DENND2A: variants seen among roughly 807,000 people sequenced by gnomAD.
The protein encoded by DENND2A is DENN domain containing 2A.
Under a neutral mutation model 105.3 loss-of-function variants are expected in DENND2A, and 53 were observed. The observed-to-expected ratio is 0.50, with a 90% CI of 0.40 to 0.63. The LOEUF (loss-of-function observed/expected upper bound fraction) is 0.63, where lower values mean the gene tolerates loss of function less well. Among genes scored for constraint, DENND2A ranks in the 30% least tolerant of loss-of-function variants. The probability of loss-of-function intolerance (pLI) is 0.00; values close to 1 mark genes in which losing one functional copy is unlikely to be tolerated. For synonymous variants in DENND2A, 522 were observed against 508.4 expected, an observed-to-expected ratio of 1.03 and a Z score of -0.36; for missense variants, 1,138 against 1,279.6, an observed-to-expected ratio of 0.89 and a Z score of 1.69.
chr7:140,527,994 C>A lies in DENND2A; in HGVS notation c.2328-499G>T, dbSNP rs751939133. 6.6e-6 allele frequency among the ~76,000 whole-genome samples: 1 copy of A among 151,986 alleles called. No individual in the cohort carries two copies. The highest frequency in any genetic ancestry group is 1.5e-5 in the Non-Finnish European group (1 of 68,018). ...TAGCTGGGACTGCAGGCACGCGCCACCACACCTGGCTAATTTTTGCATTTT... is the reference window on the plus strand; with the variant it reads ...TAGCTGGGACTGCAGGCACGCGCCAACACACCTGGCTAATTTTTGCATTTT... On this transcript the variant is annotated intron_variant, in intron 14 of 19. Coordinates refer to ENST00000496613, the MANE Select transcript of DENND2A (RefSeq NM_015689.5). This position sits in a 1 kb window ranked among gnomAD's most constrained non-coding sequence, Gnocchi z 4.9.
intron 12 of DENND2A, among the ~76,000 whole-genome samples, chr7:140,552,128 T>C (rs1025689493): frequency 3.3e-5 from 5 of 152,202 alleles, no homozygotes; most frequent in African/African-American, 1.2e-4. Flanking sequence ...CCTATAACCT[T>C]ACTTCACATG....
chr7:140,575,689 C>T (rs1236574004), intron 5 of DENND2A, among the ~76,000 whole-genome samples: 3 of 152,018 alleles, frequency 2.0e-5, no homozygotes, highest in Non-Finnish European at 4.4e-5. Flanking sequence ...ATGTACTTGC[C>T]GGGCACGGTG....
intron 18 of DENND2A, among the ~76,000 whole-genome samples, chr7:140,521,041 A>G (rs1181483702): frequency 3.4e-5 from 5 of 148,810 alleles, no homozygotes; most frequent in Non-Finnish European, 5.9e-5. Flanking sequence ...CGCCTGGCTA[A>G]TTTTCTTTAT....
chr7:140,600,191 G>A (rs150736293), intron 3 of DENND2A, among the ~76,000 whole-genome samples: 67 of 151,958 alleles, frequency 4.4e-4, no homozygotes, highest in African/African-American at 1.5e-3. Flanking sequence ...ACTTGGGTTT[G>A]GACACGTTAA....
chr7:140,615,534 T>TC (rs1800051101), intron 1 of DENND2A, among the ~76,000 whole-genome samples: 1 of 120,220 alleles, frequency 8.3e-6, no homozygotes, highest in African/African-American at 3.3e-5. Context: ...GAGTTCTGCT[T>TC]TTTTTTTTTT....
intron 3 of DENND2A, among the ~76,000 whole-genome samples, chr7:140,593,653 G>A (rs1799155836): frequency 1.3e-5 from 2 of 152,224 alleles, no homozygotes; most frequent in South Asian, 2.1e-4. Context: ...CAAAGGTTTA[G>A]GTCTGAAACC....
At chr7:140,612,683 G>T (rs1799943604) in intron 1 of DENND2A, among the ~76,000 whole-genome samples, 1 of 151,954 alleles carries the variant, frequency 6.6e-6, no homozygotes, top group South Asian at 2.1e-4. Flanking sequence ...TGTATTTTTG[G>T]TAGAGATAGG....
chr7:140,519,709 T>A lies in DENND2A; in HGVS notation c.2921A>T (p.Glu974Val). The A allele has an allele frequency of 6.2e-7, 1 of 1,614,130 alleles. No individual in the cohort carries two copies. Among genetic ancestry groups the A allele is most frequent in the Non-Finnish European group, 8.5e-7 (1 of 1,179,992 alleles). The change falls in exon 19 of 20, where the codon GAG becomes GTG. Residue 974 changes from glutamate to valine, a missense_variant. Glu to Val is a moderately radical substitution (Grantham distance 121). Transcript: ENST00000496613. ...TTCCAGATACTCTTGGGCTCGGACC[T>A]CAAACAGACCTGTTAACAAGAGAAA... ...LRRQDAKGLFEVRAQEYLETL... is the reference protein window; with the variant it reads ...LRRQDAKGLFVVRAQEYLETL...
intron 14 of DENND2A, among the ~76,000 whole-genome samples, chr7:140,529,424 A>G (rs1359333226): frequency 6.6e-6 from 1 of 152,146 alleles, no homozygotes; most frequent in East Asian, 1.9e-4. Context: ...ATACCATTTG[A>G]CCCAGCCATC....
At chr7:140,537,941 T>C (rs1796505437) in intron 14 of DENND2A, among the ~76,000 whole-genome samples, 1 of 152,108 alleles carries the variant, frequency 6.6e-6, no homozygotes. Context: ...ATCAGGAAAA[T>C]GAAGGCGAGG....
intron 3 of DENND2A, among the ~76,000 whole-genome samples, chr7:140,600,852 C>T (rs1421587604): frequency 2.0e-5 from 3 of 152,174 alleles, no homozygotes; most frequent in African/African-American, 7.2e-5. Context: ...TTTCGAAGCA[C>T]AGATTTTATT....
intron 1 of DENND2A, among the ~76,000 whole-genome samples, chr7:140,618,186 TA>T (rs1369491892): frequency 6.6e-6 from 1 of 152,206 alleles, no homozygotes; most frequent in African/African-American, 2.4e-5. Flanking sequence ...CATAAATCAT[TA>T]AAGCATGAGT....
At chr7:140,560,882 C>T (rs911300543) in intron 9 of DENND2A, among the ~76,000 whole-genome samples, 1 of 151,326 alleles carries the variant, frequency 6.6e-6, no homozygotes, top group Non-Finnish European at 1.5e-5. Flanking sequence ...TGCAGTGAGC[C>T]GAGAGCATAC....
chr7:140,602,557 C>A lies in DENND2A; in HGVS notation c.-145-15G>T. 3.2e-6 allele frequency: 2 copies of A among 620,508 alleles called. No homozygotes were observed. The highest frequency in any genetic ancestry group is 5.9e-5 in the East Asian group (2 of 34,106). The allele number at this position is 620,508 out of a possible 1,614,324, so 38.4% of individuals were successfully genotyped here. On this transcript the variant is annotated splice_polypyrimidine_tract_variant and intron_variant, in intron 2 of 19. Coordinates refer to ENST00000496613, the MANE Select transcript of DENND2A (RefSeq NM_015689.5). The stretch of plus-strand genomic sequence containing the variant: ...CCACCTTGACCCTGCACAAGAAAGA[C>A]AAACACCAGGTGAGTGATTCTTATT...
At chr7:140,572,094 C>G (rs1049998848) in intron 6 of DENND2A, among the ~76,000 whole-genome samples, 2 of 152,064 alleles carry the variant, frequency 1.3e-5, no homozygotes, top group African/African-American at 4.8e-5. Context: ...GCCTCTAACT[C>G]CTGGGCTCAA....
At chr7:140,548,096 T>A (rs1796978677) in intron 12 of DENND2A, among the ~76,000 whole-genome samples, 1 of 152,106 alleles carries the variant, frequency 6.6e-6, no homozygotes, top group Admixed American at 6.6e-5. Flanking sequence ...ATTTTTTATT[T>A]TTTATTATTT....
Position 140,611,429 on chromosome 7 carries a change from C to T in DENND2A, c.-247-5623G>A, listed in dbSNP as rs1423339917. 5.3e-5 allele frequency among the ~76,000 whole-genome samples: 8 copies of T among 152,168 alleles called. No homozygotes were observed. The East Asian group carries it at 1.4e-3, about 26-fold the overall frequency. On this transcript the variant is annotated intron_variant, in intron 1 of 19. Transcript: ENST00000496613. ...TGGTGCACATCTGTAGCCCCAGCTA[C>T]GCAGGAGGCTTAGGGGGAGGATCAT... is the stretch of plus-strand genomic sequence containing the variant.
chr7:140,591,354 A>G (rs1472771913), intron 3 of DENND2A, among the ~76,000 whole-genome samples: 4 of 152,230 alleles, frequency 2.6e-5, no homozygotes, highest in Non-Finnish European at 5.9e-5. Flanking sequence ...ACTAATTTGC[A>G]AAACGATTCA....
chr7:140,543,249 G>T (rs1298649727), intron 14 of DENND2A, among the ~76,000 whole-genome samples: 1 of 150,084 alleles, frequency 6.7e-6, no homozygotes, highest in Non-Finnish European at 1.5e-5. Context: ...TTCCCTAGTA[G>T]CAGGGACTGT....
Sources: gnomAD v4.1 joint callset for allele counts (sites outside exome capture counted in the v4.1 genomes callset) on GRCh38, gnomAD v4.1.1 for gene constraint, Gnocchi (gnomAD v3.1) non-coding constraint, MANE v1.5 for transcripts, NCBI Gene and HGNC (gene_info 2026-07-23, HGNC 2026-07-21) for gene names.